Variants in HDX observed in about 807,000 individuals in gnomAD.
HDX encodes chromosome X open reading frame 43.
HDX carries 19 observed loss-of-function variants against 45.2 expected under a neutral mutation model. That is an observed-to-expected ratio of 0.42 (90% CI 0.29 to 0.62). HDX has a LOEUF of 0.62. HDX is among the 20% of genes least tolerant of loss of function. The pLI is 0.20. For missense variants in HDX, 532 were observed against 493.9 expected (o/e 1.08, Z -0.73); for synonymous variants, 188 against 172.8 (o/e 1.09, Z -0.69).
intron 5 of HDX, among the ~76,000 whole-genome samples, chrX:84,383,536 A>C (rs2038237689): frequency 8.9e-6 from 1 of 111,840 alleles, no homozygotes; most frequent in Non-Finnish European, 1.9e-5. Flanking sequence ...AAAAGTCATC[A>C]AGATCATATG....
At chrX:84,333,443 A>G (rs1374943717) in intron 9 of HDX, among the ~76,000 whole-genome samples, 1 of 111,437 alleles carries the variant, frequency 9.0e-6, no homozygotes, top group Non-Finnish European at 1.9e-5. Context: ...TTTTACTATC[A>G]TTTAAAAATG....
rs192931157 is a variant in HDX, at chrX:84,369,075, A to G, written c.1306-7463T>C. On this transcript the variant is annotated intron_variant, in intron 5 of 10. Coordinates refer to ENST00000373177, the MANE Select transcript of HDX (RefSeq NM_001177479.2). ...TGGGAACCCTTGCAATAAACTACCC[A>G]TTTCCCCTCCCCAAACCCCACGCAA... 2.6e-3 allele frequency among the ~76,000 whole-genome samples: 281 copies of G among 109,953 alleles called. 2 individuals are homozygous for G. Among genetic ancestry groups the G allele is most frequent in the African/African-American group, 9.0e-3 (272 of 30,206 alleles).
intron 5 of HDX, among the ~76,000 whole-genome samples, chrX:84,408,152 C>T (rs987818441): frequency 9.0e-6 from 1 of 111,382 alleles, no homozygotes; most frequent in Non-Finnish European, 1.9e-5. Flanking sequence ...CATAGGATAT[C>T]TTCCAGGGTT....
rs147445955 is a variant in HDX at position 84,358,638 on chromosome X, A to G, written c.1452+2828T>C. Among the ~76,000 whole-genome samples, 619 of 112,541 alleles carry G rather than the reference A, an allele frequency of 5.5e-3. 2 individuals carry two copies. Among genetic ancestry groups the G allele is most frequent in the Admixed American group, 9.4e-3 (100 of 10,627 alleles). On this transcript the variant is annotated intron_variant, in intron 6 of 10. Transcript: ENST00000373177. Reference sequence around the variant, plus strand: ...ATCTGGATTCTAACAAGAAAAAGCAAGACTCTGAACAGGGCAGTACTTATT... The same window carrying G: ...ATCTGGATTCTAACAAGAAAAAGCAGGACTCTGAACAGGGCAGTACTTATT...
chrX:84,352,991 C>T (rs772991304), intron 6 of HDX, among the ~76,000 whole-genome samples: 14 of 111,034 alleles, frequency 1.3e-4, no homozygotes, highest in Admixed American at 2.9e-4. Context: ...AAAGCAGAAA[C>T]GAAGTTTCTA....
chrX:84,471,706 A>C (rs868212317), intron 3 of HDX, among the ~76,000 whole-genome samples: 31 of 109,976 alleles, frequency 2.8e-4, no homozygotes, highest in South Asian at 2.7e-3. Flanking sequence ...AAAATGTTCC[A>C]CAAACTGTAG....
At chrX:84,435,979 G>A (rs1488279099) in intron 5 of HDX, among the ~76,000 whole-genome samples, 6 of 90,724 alleles carry the variant, frequency 6.6e-5, no homozygotes, top group South Asian at 5.9e-4. Flanking sequence ...ACATGCACAT[G>A]TATGTTTATT....
chrX:84,429,028 T>C (rs184603993), intron 5 of HDX, among the ~76,000 whole-genome samples: 3 of 110,828 alleles, frequency 2.7e-5, no homozygotes, highest in Admixed American at 9.6e-5. Context: ...CCTAACTCCA[T>C]ATCCTATTTC....
chrX:84,344,395 T>A lies in HDX; in HGVS notation c.1515A>T (p.Arg505Ser). The stretch of plus-strand genomic sequence containing the variant: ...GCTCAGAGAAATCAGCAGGGCCTCC[T>A]CTTGGAGGTGGAACTTCAATCCCCA... ...RLMGIEVPPPRGGPADFSEQP... is the reference protein window; with the variant it reads ...RLMGIEVPPPSGGPADFSEQP... Residue 505 changes from arginine to serine, a missense_variant, in exon 7 of 11, where the codon AGA becomes AGT. Physicochemically the swap from Arg to Ser is moderately radical, Grantham distance 110. Around this residue, in one of 3 missense-constraint regions of HDX, gnomAD observed 151 missense variants for 131.8 expected, o/e 1.15. Coordinates refer to ENST00000373177, the MANE Select transcript of HDX (RefSeq NM_001177479.2). 1 of 1,206,728 alleles carries A rather than the reference T, an allele frequency of 8.3e-7. No individual in the cohort carries two copies. Among genetic ancestry groups the A allele is most frequent in the African/African-American group, 1.7e-5 (1 of 57,543 alleles).
At chrX:84,432,371 G>T (rs1228465873) in intron 5 of HDX, among the ~76,000 whole-genome samples, 1 of 112,113 alleles carries the variant, frequency 8.9e-6, no homozygotes, top group African/African-American at 3.2e-5. Context: ...ATTCTGTGAA[G>T]AATGTCATAG....
intron 4 of HDX, among the ~76,000 whole-genome samples, chrX:84,442,238 T>A (rs780899071): frequency 9.0e-6 from 1 of 111,353 alleles, no homozygotes; most frequent in South Asian, 3.7e-4. Context: ...ATATTTAATG[T>A]TTTTCATAAA....
chrX:84,471,244 AATAG>A (rs200160920), intron 3 of HDX, among the ~76,000 whole-genome samples: 1,480 of 97,350 alleles, frequency 0.015, 22 homozygotes, highest in African/African-American at 0.048. Context: ...GTGTTCTCTC[AATAG>A]ATAGATAGAT....
intron 10 of HDX, among the ~76,000 whole-genome samples, chrX:84,324,381 G>C (rs1376064511): frequency 9.0e-6 from 1 of 111,674 alleles, no homozygotes; most frequent in Non-Finnish European, 1.9e-5. Flanking sequence ...GTAAAGATCA[G>C]TAGTTTAAGC....
chrX:84,330,420 T>C (rs2036820504), intron 9 of HDX, among the ~76,000 whole-genome samples: 1 of 111,883 alleles, frequency 8.9e-6, no homozygotes, highest in African/African-American at 3.2e-5. Flanking sequence ...GTATTTATCA[T>C]ATTCAATCTA....
At chrX:84,347,260 TC>T (rs780927468) in intron 6 of HDX, among the ~76,000 whole-genome samples, 2 of 110,829 alleles carry the variant, frequency 1.8e-5, no homozygotes, top group South Asian at 7.6e-4. Flanking sequence ...AGTAATGTGA[TC>T]ATAGTTCACT....
intron 5 of HDX, among the ~76,000 whole-genome samples, chrX:84,397,949 T>C (rs2038603664): frequency 9.0e-6 from 1 of 110,511 alleles, no homozygotes; most frequent in Admixed American, 9.7e-5. Context: ...TCATTGAAAA[T>C]AACCATAACA....
At chrX:84,410,087 CAT>C (rs1346352242) in intron 5 of HDX, among the ~76,000 whole-genome samples, 17 of 99,141 alleles carry the variant, frequency 1.7e-4, no homozygotes, top group Middle Eastern at 5.5e-3. Context: ...AAAAAAGAAT[CAT>C]ATCATCTGCA....
At chrX:84,331,202 T>C (rs1225796550) in intron 9 of HDX, among the ~76,000 whole-genome samples, 1 of 111,568 alleles carries the variant, frequency 9.0e-6, no homozygotes, top group Non-Finnish European at 1.9e-5. Flanking sequence ...TTTGTGTTAT[T>C]TAGAATTCCT....
At chrX:84,347,250 A>G (rs2037228414) in intron 6 of HDX, among the ~76,000 whole-genome samples, 1 of 109,913 alleles carries the variant, frequency 9.1e-6, no homozygotes, top group African/African-American at 3.3e-5. Context: ...ACTCTGTCAC[A>G]GTAATGTGAT....
Sources: allele counts gnomAD v4.1 joint callset (sites outside exome capture counted in the v4.1 genomes callset), GRCh38; gene constraint gnomAD v4.1.1; regional missense constraint gnomAD v4.1.1; transcripts MANE v1.5; gene names NCBI Gene and HGNC (gene_info 2026-07-23, HGNC 2026-07-21).